HELZ: variants seen among roughly 807,000 people sequenced by gnomAD.
HELZ encodes helicase with zinc finger, also known as ATP-dependent RNA helicase with zinc finger domain.
Under a neutral mutation model 218.2 loss-of-function variants are expected in HELZ, and 23 were observed. The ratio of observed to expected loss-of-function variants is 0.11; its 90% CI spans 0.08 to 0.15. The LOEUF (loss-of-function observed/expected upper bound fraction) is 0.15. Among genes scored for constraint, HELZ ranks in the 10% least tolerant of loss-of-function variants. The pLI is 1.00. For missense variants in HELZ, 1,813 were observed against 2,353.7 expected, an observed-to-expected ratio of 0.77 and a Z score of 4.75; for synonymous variants, 814 against 829.4, an observed-to-expected ratio of 0.98 and a Z score of 0.32.
In HELZ at chr17:67,078,552, T is replaced by C; in HGVS notation, c.5529A>G (p.Gln1843=). Residue 1843 remains glutamine, a synonymous_variant, in exon 33 of 33, where the codon CAA becomes CAG. Transcript: ENST00000358691. ...PPKTVKPPED[Q]LKSENLEVSS... is the part of the protein sequence containing the mutation. ...ACACCTCGAGGTTCTCCGACTTCAG[T>C]TGATCCTCAGGGGGTTTGACAGTCT... 6.7e-7 allele frequency: 1 copy of C among 1,495,916 alleles called. No homozygotes were observed. The highest frequency in any genetic ancestry group is 1.4e-5 in the South Asian group (1 of 71,396). 92.7% of individuals were successfully genotyped at this position (1,495,916 alleles called of 1,614,324 possible).
chr17:67,234,071 G>C (rs1049978669), intron 3 of HELZ, among the ~76,000 whole-genome samples: 81 of 149,562 alleles, frequency 5.4e-4, no homozygotes, highest in Admixed American at 2.2e-3. Context: ...GAGAGAGAGA[G>C]AGAGAACTTT....
chr17:67,133,751 GC>G (rs1158753822), intron 23 of HELZ, among the ~76,000 whole-genome samples: 1 of 152,156 alleles, frequency 6.6e-6, no homozygotes, highest in African/African-American at 2.4e-5. Flanking sequence ...CTGAGCTCAA[GC>G]AATCCGCCCA....
intron 3 of HELZ, among the ~76,000 whole-genome samples, chr17:67,228,617 A>G (rs1224382156): frequency 6.6e-6 from 1 of 151,460 alleles, no homozygotes; most frequent in African/African-American, 2.4e-5. Context: ...AGCAGAGATC[A>G]CCCCACTGAA....
chr17:67,238,023 G>A (rs576273511), intron 3 of HELZ, among the ~76,000 whole-genome samples: 2 of 148,336 alleles, frequency 1.3e-5, no homozygotes, highest in East Asian at 2.0e-4. Flanking sequence ...AGCTTTTTGC[G>A]GATGAAGATA....
intron 31 of HELZ, among the ~76,000 whole-genome samples, chr17:67,104,479 T>C (rs1394724246): frequency 6.7e-6 from 1 of 149,656 alleles, no homozygotes; most frequent in African/African-American, 2.4e-5. Flanking sequence ...AATGTAAAAG[T>C]ACATCTTTGC....
At position 67,120,490 on chromosome 17, in the gene HELZ, A is replaced by G. The variant is rs368647034; in HGVS notation, c.3753T>C (p.Tyr1251=). 3 of 1,613,864 alleles carry G rather than the reference A, an allele frequency of 1.9e-6. No homozygotes were observed. The highest frequency in any genetic ancestry group is 1.7e-5 in the Admixed American group (1 of 59,992). ...TGACAGGTGGGTGATGTCCAAGGCC[A>G]TAAGGAATAGGAGATCCTCGTCCAT... ...QTHGRGSPIP[Y]GLGHHPPVTI... The change falls in exon 27 of 33, where the codon TAT becomes TAC. Residue 1251 remains tyrosine, a synonymous_variant. Transcript: ENST00000358691.
At chr17:67,160,752 T>C in intron 16 of HELZ, 145 bp downstream of exon 16, 1 of 592,546 alleles carries the variant, frequency 1.7e-6, no homozygotes, top group South Asian at 3.4e-5. Context: ...GCTCTGGGGT[T>C]TGGATTTACG....
intron 17 of HELZ, among the ~76,000 whole-genome samples, chr17:67,154,707 T>C (rs915967850): frequency 1.2e-4 from 18 of 152,196 alleles, no homozygotes; most frequent in South Asian, 1.0e-3. Flanking sequence ...CATTTTTCCA[T>C]TTTTCATTCA....
intron 21 of HELZ, among the ~76,000 whole-genome samples, chr17:67,139,480 C>G (rs554869317): frequency 7.9e-5 from 12 of 152,272 alleles, no homozygotes; most frequent in African/African-American, 2.9e-4. Context: ...CTAAGCAACA[C>G]ACAACCATTT....
At chr17:67,146,502 C>T (rs1201503657) in intron 20 of HELZ, among the ~76,000 whole-genome samples, 1 of 152,150 alleles carries the variant, frequency 6.6e-6, no homozygotes, top group Non-Finnish European at 1.5e-5. Flanking sequence ...GTGATGTTCA[C>T]ACAACAACAA....
chr17:67,234,483 C>T (rs1428787296), intron 3 of HELZ, among the ~76,000 whole-genome samples: 1 of 151,800 alleles, frequency 6.6e-6, no homozygotes, highest in Non-Finnish European at 1.5e-5. Flanking sequence ...ACTATGAACC[C>T]AACTAAAGGC....
At chr17:67,092,497 A>G (rs1363574141) in intron 31 of HELZ, among the ~76,000 whole-genome samples, 2 of 152,224 alleles carry the variant, frequency 1.3e-5, no homozygotes, top group Non-Finnish European at 2.9e-5. Flanking sequence ...ACAGTGGGAC[A>G]CAGCCAGCCA....
intron 20 of HELZ, among the ~76,000 whole-genome samples, chr17:67,146,754 T>A (rs1352484507): frequency 6.6e-6 from 1 of 152,258 alleles, no homozygotes; most frequent in East Asian, 1.9e-4. Context: ...ATCTATCCAA[T>A]TGCTTTCAGG....
chr17:67,216,332 T>A (rs2040599923), intron 4 of HELZ, among the ~76,000 whole-genome samples: 1 of 152,204 alleles, frequency 6.6e-6, no homozygotes. Flanking sequence ...ACCATGCTCC[T>A]TTCTAAAGTC....
intron 21 of HELZ, among the ~76,000 whole-genome samples, chr17:67,142,812 G>C (rs975753939): frequency 6.6e-6 from 1 of 151,824 alleles, no homozygotes; most frequent in African/African-American, 2.4e-5. Flanking sequence ...GCTACAGTGC[G>C]GTGGCACAAT....
At chr17:67,087,906 T>C (rs1216123309) in intron 31 of HELZ, among the ~76,000 whole-genome samples, 1 of 152,206 alleles carries the variant, frequency 6.6e-6, no homozygotes, top group Admixed American at 6.5e-5. Context: ...TCAATTCTAA[T>C]GGCAAGGCAG....
At chr17:67,191,387 G>A (rs781456282) in intron 9 of HELZ, among the ~76,000 whole-genome samples, 17 of 152,034 alleles carry the variant, frequency 1.1e-4, no homozygotes, top group Non-Finnish European at 1.5e-4. Context: ...ATGATTTCTC[G>A]ACGTTTACAA....
At chr17:67,134,539 A>C (rs1470427943) in intron 23 of HELZ, among the ~76,000 whole-genome samples, 1 of 152,340 alleles carries the variant, frequency 6.6e-6, no homozygotes, top group South Asian at 2.1e-4. Flanking sequence ...TTTTTTAAAA[A>C]AGAAATTTTT....
intron 3 of HELZ, among the ~76,000 whole-genome samples, chr17:67,220,577 G>A (rs118170599): frequency 0.011 from 1,626 of 152,214 alleles, 19 homozygotes; most frequent in South Asian, 0.018. Context: ...CGACTTGCCA[G>A]GCTCAAGCAA....
Sources: gnomAD v4.1 joint callset for allele counts (sites outside exome capture counted in the v4.1 genomes callset) on GRCh38, gnomAD v4.1.1 for gene constraint, MANE v1.5 for transcripts, NCBI Gene and HGNC (gene_info 2026-07-23, HGNC 2026-07-21) for gene names.